The following RNF13 variants were observed in gnomAD, a reference collection of about 807,000 sequenced individuals.
The protein encoded by RNF13 is ring finger protein 13.
In RNF13, 19 loss-of-function variants were observed where a neutral mutation model predicts 37.7. The observed-to-expected ratio is 0.50, with a 90% CI of 0.35 to 0.74. RNF13 has a LOEUF of 0.74. Ranked by LOEUF, RNF13 falls within the 30% of genes least tolerant of loss-of-function variation. The pLI, the probability that RNF13 is intolerant of heterozygous loss-of-function variation, is 0.01. For synonymous variants in RNF13, 144 were observed against 157.8 expected (o/e 0.91, Z 0.65); for missense variants, 375 against 453.0 (o/e 0.83, Z 1.56).
chr3:149,867,352 G>A (rs372991319), intron 3 of RNF13, among the ~76,000 whole-genome samples: 1,925 of 150,214 alleles, frequency 0.013, 15 homozygotes, highest in Non-Finnish European at 0.019. Flanking sequence ...TGCAAGCTCC[G>A]CCTCCCGGGT....
intron 8 of RNF13, among the ~76,000 whole-genome samples, chr3:149,948,239 G>A (rs113643902): frequency 0.014 from 2,067 of 152,272 alleles, 53 homozygotes; most frequent in African/African-American, 0.046. Flanking sequence ...GTGAGCCACC[G>A]TGCCTGGTCC....
chr3:149,816,441 A>T (rs976977819), intron 1 of RNF13, among the ~76,000 whole-genome samples: 4 of 151,362 alleles, frequency 2.6e-5, no homozygotes, highest in Non-Finnish European at 5.9e-5. Context: ...CTCCTTCCTT[A>T]CTTGTTTTTG....
intron 4 of RNF13, among the ~76,000 whole-genome samples, chr3:149,873,211 T>C (rs1309792979): frequency 6.6e-6 from 1 of 152,226 alleles, no homozygotes; most frequent in East Asian, 1.9e-4. Context: ...CTAATTCTAT[T>C]GATCCCAAGG....
intron 1 of RNF13, among the ~76,000 whole-genome samples, chr3:149,834,769 A>G (rs902063973): frequency 2.6e-5 from 4 of 152,214 alleles, no homozygotes; most frequent in Non-Finnish European, 5.9e-5. Context: ...TCCTCACCAG[A>G]TATAGATGTT....
chr3:149,931,309 C>T (rs1719140763), intron 8 of RNF13, among the ~76,000 whole-genome samples: 2 of 152,078 alleles, frequency 1.3e-5, no homozygotes, highest in Admixed American at 1.3e-4. Flanking sequence ...GTGATCCTCC[C>T]ACTTTGGCCT....
chr3:149,938,399 C>T (rs1038580915), intron 8 of RNF13, among the ~76,000 whole-genome samples: 3 of 151,560 alleles, frequency 2.0e-5, no homozygotes, highest in East Asian at 1.9e-4. Flanking sequence ...AGGCTGGTCT[C>T]GAACTCCTGA....
chr3:149,846,270 C>A, intron 2 of RNF13, 130 bp downstream of exon 2: 1 of 586,152 alleles, frequency 1.7e-6, no homozygotes, highest in Non-Finnish European at 3.0e-6. Flanking sequence ...AACACATATA[C>A]ACAGTTACTT....
Position 149,834,494 on chromosome 3 carries a change from G to A in RNF13, c.-16-11517G>A, listed in dbSNP as rs574609065. Among the ~76,000 whole-genome samples, 53 of 152,350 alleles carry A rather than the reference G, an allele frequency of 3.5e-4. 1 individual carries two copies. Among genetic ancestry groups the A allele is most frequent in the African/African-American group, 1.1e-3 (47 of 41,592 alleles). ...TCCTCCTATGGTTTGGAAATGGTTT[G>A]TCTGGCCCCACCAAGTCTCATATTG... On this transcript the variant is annotated intron_variant, in intron 1 of 9. Transcript: ENST00000392894.
intron 6 of RNF13, among the ~76,000 whole-genome samples, chr3:149,910,243 C>T (rs1008743165): frequency 6.6e-6 from 1 of 152,118 alleles, no homozygotes; most frequent in African/African-American, 2.4e-5. Context: ...GAGATGGTAT[C>T]AAATAGAGCA....
chr3:149,847,761 TC>T (rs1157977167), intron 2 of RNF13, among the ~76,000 whole-genome samples: 2 of 152,212 alleles, frequency 1.3e-5, no homozygotes, highest in African/African-American at 2.4e-5. Context: ...TATGGACTGA[TC>T]AGGGAATAAA....
intron 6 of RNF13, among the ~76,000 whole-genome samples, chr3:149,906,658 T>TA (rs1433584191): frequency 6.8e-6 from 1 of 147,020 alleles, no homozygotes; most frequent in Non-Finnish European, 1.5e-5. Context: ...TTTTTTTTTT[T>TA]TTTTTTTTTT....
intron 6 of RNF13, among the ~76,000 whole-genome samples, chr3:149,903,096 T>A (rs1716015576): frequency 6.6e-6 from 1 of 152,172 alleles, no homozygotes; most frequent in Non-Finnish European, 1.5e-5. Flanking sequence ...GTTTTCTGTT[T>A]ACTGTTATTG....
At chr3:149,875,493 T>A (rs1450506021) in intron 4 of RNF13, among the ~76,000 whole-genome samples, 2 of 152,184 alleles carry the variant, frequency 1.3e-5, no homozygotes, top group Non-Finnish European at 2.9e-5. Flanking sequence ...TAAAATGGCA[T>A]ATTTTCTTCA....
At chr3:149,947,797 A>G (rs1363708980) in intron 8 of RNF13, among the ~76,000 whole-genome samples, 4 of 152,236 alleles carry the variant, frequency 2.6e-5, no homozygotes, top group Admixed American at 2.6e-4. Context: ...TGAATTTACC[A>G]TTATGTCATT....
At chr3:149,953,301 C>T (rs1169513977) in intron 8 of RNF13, among the ~76,000 whole-genome samples, 2 of 152,210 alleles carry the variant, frequency 1.3e-5, no homozygotes, top group Non-Finnish European at 1.5e-5. Flanking sequence ...TGCTCTTTCC[C>T]TCAGTGGAGT....
chr3:149,844,470 GAC>G (rs769693964), intron 1 of RNF13, among the ~76,000 whole-genome samples: 10 of 152,168 alleles, frequency 6.6e-5, no homozygotes, highest in Non-Finnish European at 1.3e-4. Flanking sequence ...TGTTAATATA[GAC>G]ACTCTCTGTC....
At chr3:149,905,863 A>G (rs918746741) in intron 6 of RNF13, among the ~76,000 whole-genome samples, 73 of 152,270 alleles carry the variant, frequency 4.8e-4, no homozygotes, top group African/African-American at 1.8e-3. Context: ...TACCCATTTA[A>G]GGTGTAAAAT....
chr3:149,939,794 C>A, intron 8 of RNF13: 1 of 584,652 alleles, frequency 1.7e-6, no homozygotes, highest in South Asian at 1.4e-5. Context: ...ATCAAATCTT[C>A]CATGGGGTGG....
intron 7 of RNF13, among the ~76,000 whole-genome samples, chr3:149,917,899 C>T (rs1297190182): frequency 6.6e-6 from 1 of 152,164 alleles, no homozygotes; most frequent in Non-Finnish European, 1.5e-5. Context: ...AAAATTAACT[C>T]ATTTAAAGTA....
Sources: allele counts gnomAD v4.1 joint callset (sites outside exome capture counted in the v4.1 genomes callset), GRCh38; gene constraint gnomAD v4.1.1; transcripts MANE v1.5; gene names NCBI Gene and HGNC (gene_info 2026-07-23, HGNC 2026-07-21).